The following PLBD1 variants were observed in gnomAD, a reference collection of about 807,000 sequenced individuals.
PLBD1 encodes lysosomal leucine aminopeptidase.
A neutral mutation model predicts 63.0 loss-of-function variants in PLBD1; 60 were observed. The ratio of observed to expected loss-of-function variants is 0.95; its 90% CI spans 0.77 to 1.18. PLBD1 has a LOEUF of 1.18. Ranked by LOEUF, PLBD1 falls within the 50% of genes most tolerant of loss-of-function variation. PLBD1 has a pLI of 0.00. For missense variants in PLBD1, 598 were observed against 677.9 expected, an observed-to-expected ratio of 0.88 and a Z score of 1.31; for synonymous variants, 262 against 248.0, an observed-to-expected ratio of 1.06 and a Z score of -0.53.
rs991717775 is a variant in PLBD1 at position 14,567,795 on chromosome 12, C to G, written c.-99G>C. The G allele has an allele frequency of 2.9e-5, 39 of 1,336,816 alleles. No individual in the cohort carries two copies. The African/African-American group carries it at 5.7e-4, about 20-fold the overall frequency. The allele number at this position is 1,336,816 out of a possible 1,614,324, so 82.8% of individuals were successfully genotyped here. ...AGGCTCCTGGCCTACTCAGGGGCGC[C>G]GCCTCTCCGAGGTGGGGCGTCCTCA... On this transcript the variant is annotated 5_prime_UTR_variant, in exon 1 of 11. Transcript: ENST00000240617.
At chr12:14,554,808 C>G (rs1945688797) in intron 1 of PLBD1, among the ~76,000 whole-genome samples, 1 of 152,074 alleles carries the variant, frequency 6.6e-6, no homozygotes. Flanking sequence ...CCTCCCCAGT[C>G]TCCTCCTGTG....
At chr12:14,564,105 T>C (rs138999224) in intron 1 of PLBD1, among the ~76,000 whole-genome samples, 29 of 151,978 alleles carry the variant, frequency 1.9e-4, no homozygotes, top group African/African-American at 6.0e-4. Context: ...ATTAGCCAAG[T>C]GTGGTGGTGT....
At chr12:14,511,741 A>C (rs777489385) in intron 6 of PLBD1, 30 bp from the exon 7 acceptor site, 21 of 1,575,042 alleles carry the variant, frequency 1.3e-5, no homozygotes, top group Non-Finnish European at 1.6e-5. Context: ...ACACATCAGC[A>C]TATGTATACA....
chr12:14,542,086 AATAACTCT>A (rs1425896538), intron 3 of PLBD1, 114 bp downstream of exon 3: 40 of 730,066 alleles, frequency 5.5e-5, no homozygotes, highest in Non-Finnish European at 7.2e-5. Context: ...CTACTACAAG[AATAACTCT>A]AGAGTCCTGC....
Position 14,535,741 on chromosome 12 carries a change from C to A in PLBD1, c.762G>T (p.Met254Ile), listed in dbSNP as rs1195468285. 1 of 1,613,906 alleles carries A rather than the reference C, an allele frequency of 6.2e-7. No individual in the cohort carries two copies. The highest frequency in any genetic ancestry group is 2.2e-5 in the East Asian group (1 of 44,896). ...AGTCCCAGTGTTTATATATCCTGAG[C>A]ATGGCTGCATACGTGTACCAGCTTG... The part of the protein sequence containing the change: ...AHSSWYTYAA[M>I]LRIYKHWDFN... Residue 254 changes from methionine (M) to isoleucine (I), a missense_variant, in exon 6 of 11, where the codon ATG becomes ATT. Physicochemically the swap from Met to Ile is conservative, Grantham distance 10 (BLOSUM62 1). Coordinates refer to ENST00000240617, the MANE Select transcript of PLBD1 (RefSeq NM_024829.6).
rs182524068 is a variant in PLBD1, at chr12:14,527,602, T to C, written c.844+8057A>G. On this transcript the variant is annotated intron_variant, in intron 6 of 10. Coordinates refer to ENST00000240617, the MANE Select transcript of PLBD1 (RefSeq NM_024829.6). The stretch of plus-strand genomic sequence containing the variant: ...TCCTCCAGCACATAAGATTTCAAAT[T>C]GAAAATTAAAGACATGCTATGGTAA... 5.5e-4 allele frequency among the ~76,000 whole-genome samples: 84 copies of C among 152,128 alleles called. 4 individuals carry two copies. The East Asian group carries it at 0.015, about 27-fold the overall frequency.
intron 10 of PLBD1, 21 bp downstream of exon 10, chr12:14,506,141 C>T (rs768439128): frequency 6.5e-7 from 1 of 1,544,198 alleles, no homozygotes; most frequent in Non-Finnish European, 8.9e-7. Context: ...GAATTAAATT[C>T]AAAAGCCAAT....
intron 8 of PLBD1, among the ~76,000 whole-genome samples, chr12:14,507,971 C>G (rs1005854140): frequency 1.3e-5 from 2 of 152,218 alleles, no homozygotes; most frequent in Admixed American, 6.5e-5. Context: ...CCTCCACATT[C>G]TCTCCTGGCC....
Position 14,521,064 on chromosome 12 carries a change from A to C in PLBD1, c.845-9353T>G, listed in dbSNP as rs141986881. Among the ~76,000 whole-genome samples, 365 of 152,246 alleles carry C rather than the reference A, an allele frequency of 2.4e-3. 1 individual carries two copies. The highest frequency in any genetic ancestry group is 4.0e-3 in the Non-Finnish European group (273 of 68,016). ...TCTCCCCATCCTGAGGCTCTGCTGC[A>C]AGTACACTGTGCTTGTAAACAGTAG... On this transcript the variant is annotated intron_variant, in intron 6 of 10. Coordinates refer to ENST00000240617, the MANE Select transcript of PLBD1 (RefSeq NM_024829.6).
chr12:14,532,259 C>T (rs1452728494), intron 6 of PLBD1, among the ~76,000 whole-genome samples: 1 of 152,128 alleles, frequency 6.6e-6, no homozygotes, highest in Non-Finnish European at 1.5e-5. Context: ...CTGCAAAGGC[C>T]CGTTTGTGTT....
chr12:14,535,616 A>C, intron 6 of PLBD1, 43 bp downstream of exon 6: 1 of 1,602,838 alleles, frequency 6.2e-7, no homozygotes, highest in Non-Finnish European at 8.5e-7. Flanking sequence ...TTTATCCAGG[A>C]ATAGTACTCA....
intron 5 of PLBD1, 68 bp downstream of exon 5, chr12:14,536,502 T>C: frequency 3.2e-6 from 5 of 1,549,444 alleles, no homozygotes; most frequent in Middle Eastern, 1.7e-4. Flanking sequence ...GATGTTGCTA[T>C]ACTTGGGCGC....
chr12:14,525,243 C>A (rs1945407584), intron 6 of PLBD1, among the ~76,000 whole-genome samples: 3 of 151,614 alleles, frequency 2.0e-5, no homozygotes, highest in Admixed American at 2.0e-4. Flanking sequence ...TCCTGGGCAA[C>A]AATAGTGAAA....
At chr12:14,553,145 A>G in intron 2 of PLBD1, 48 bp downstream of exon 2, 1 of 1,485,186 alleles carries the variant, frequency 6.7e-7, no homozygotes, top group Non-Finnish European at 9.2e-7. Flanking sequence ...GAACATGGGA[A>G]GGACAGGGGT....
chr12:14,533,050 C>T (rs1422984318), intron 6 of PLBD1: 1 of 152,116 alleles, frequency 6.6e-6, no homozygotes, highest in Non-Finnish European at 1.5e-5. Context: ...TCAATCTCCA[C>T]TTTGTATTTT....
In PLBD1 at chr12:14,540,051, T is replaced by TACACACACAC. The variant is rs1431406731; in HGVS notation, c.558+712_558+713insGTGTGTGTGT. On this transcript the variant is annotated intron_variant, in intron 4 of 10. Coordinates refer to ENST00000240617, the MANE Select transcript of PLBD1 (RefSeq NM_024829.6). The stretch of plus-strand genomic sequence containing the variant: ...ATATATATATATATATATATATATA[T>TACACACACAC]ATACACACACACACTGGTCAAAATA... Among the ~76,000 whole-genome samples the TACACACACAC allele has an allele frequency of 2.8e-4, 21 of 75,322 alleles. 1 individual carries two copies. Among genetic ancestry groups the TACACACACAC allele is most frequent in the East Asian group, 1.9e-3 (3 of 1,542 alleles). 49.4% of individuals were successfully genotyped at this position (75,322 alleles called of 152,430 possible).
intron 6 of PLBD1, among the ~76,000 whole-genome samples, chr12:14,521,528 T>C (rs367870546): frequency 1.5e-4 from 23 of 152,224 alleles, no homozygotes; most frequent in African/African-American, 5.5e-4. Flanking sequence ...GAGGCATCCA[T>C]AGAAATTGCT....
rs370380368 is a variant in PLBD1 at position 14,535,819 on chromosome 12, T to C, written c.700-16A>G. 10 of 1,612,600 alleles carry C rather than the reference T, an allele frequency of 6.2e-6. No homozygotes were observed. In the African/African-American group the frequency reaches 1.1e-4, roughly 17 times the overall value. On this transcript the variant is annotated splice_polypyrimidine_tract_variant and intron_variant, in intron 5 of 10. Coordinates refer to ENST00000240617, the MANE Select transcript of PLBD1 (RefSeq NM_024829.6). Reference sequence around the variant, plus strand: ...CAGGAAGAACCTACAGCCAGAATCATAGTGGATTACACAGATGTACATAGC... The same window carrying C: ...CAGGAAGAACCTACAGCCAGAATCACAGTGGATTACACAGATGTACATAGC...
chr12:14,539,738 A>T lies in PLBD1; in HGVS notation c.558+1026T>A, dbSNP rs930248260. Among the ~76,000 whole-genome samples the T allele has an allele frequency of 7.3e-5, 11 of 151,388 alleles. No homozygotes were observed. The East Asian group carries it at 2.1e-3, about 30-fold the overall frequency. On this transcript the variant is annotated intron_variant, in intron 4 of 10. Coordinates refer to ENST00000240617, the MANE Select transcript of PLBD1 (RefSeq NM_024829.6). ...GAGGCAGAGGTTGCAGTGAGCCAAG[A>T]TCATGCCACTGCACTCCAGCCTGGG...
Sources: gnomAD v4.1 joint callset for allele counts (sites outside exome capture counted in the v4.1 genomes callset) on GRCh38, gnomAD v4.1.1 for gene constraint, MANE v1.5 for transcripts, NCBI Gene and HGNC (gene_info 2026-07-23, HGNC 2026-07-21) for gene names.